MAPKAP1: variants seen among roughly 807,000 people sequenced by gnomAD.
MAPKAP1 encodes the protein MAPK associated protein 1.
A neutral mutation model predicts 65.7 loss-of-function variants in MAPKAP1; 20 were observed. That is an observed-to-expected ratio of 0.30 (90% CI 0.21 to 0.44). The LOEUF is 0.44. Ranked by LOEUF, MAPKAP1 falls within the 20% of genes least tolerant of loss-of-function variation. The pLI is 1.00. For missense variants in MAPKAP1, 423 were observed against 648.0 expected, an observed-to-expected ratio of 0.65 and a Z score of 3.77; for synonymous variants, 222 against 244.3, an observed-to-expected ratio of 0.91 and a Z score of 0.85.
rs1328435653 is a variant in MAPKAP1, at chr9:125,500,864, C to T, written c.1066+5446G>A. Among the ~76,000 whole-genome samples the T allele has an allele frequency of 3.9e-5, 6 of 152,164 alleles. No homozygotes were observed. In the East Asian group the frequency reaches 1.2e-3, roughly 29 times the overall value. On this transcript the variant is annotated intron_variant, in intron 8 of 11. Transcript: ENST00000265960. ...TAAAGTTCCTACCTATGAATTAGTT[C>T]CTCAAGTATGTTTAAGATGACAGAC...
chr9:125,649,893 A>T (rs1833845019), intron 4 of MAPKAP1, among the ~76,000 whole-genome samples: 1 of 152,068 alleles, frequency 6.6e-6, no homozygotes, highest in South Asian at 2.1e-4. Context: ...CTGGGCTGTC[A>T]TTTGATTTCT....
At chr9:125,519,634 T>C (rs1829561661) in intron 7 of MAPKAP1, among the ~76,000 whole-genome samples, 1 of 140,892 alleles carries the variant, frequency 7.1e-6, no homozygotes, top group Admixed American at 7.6e-5. Flanking sequence ...GTCTAATATA[T>C]ATACATATAT....
chr9:125,458,836 G>A (rs1167020414), intron 10 of MAPKAP1, among the ~76,000 whole-genome samples: 145 of 63,338 alleles, frequency 2.3e-3, no homozygotes, highest in African/African-American at 7.3e-3. Flanking sequence ...GCGGCTGGCC[G>A]GGTGGGGGGC....
intron 7 of MAPKAP1, among the ~76,000 whole-genome samples, chr9:125,536,316 G>A (rs1298817042): frequency 6.6e-6 from 1 of 152,226 alleles, no homozygotes; most frequent in African/African-American, 2.4e-5. Flanking sequence ...TAAAGAGGCA[G>A]AGAAAGGAGG....
intron 10 of MAPKAP1, 37 bp downstream of exon 10, chr9:125,467,935 A>G: frequency 6.2e-7 from 1 of 1,607,188 alleles, no homozygotes; most frequent in South Asian, 1.1e-5. Context: ...GAGAGGGGAA[A>G]GAGAGAAAGG....
At chr9:125,665,027 C>T (rs1834300079) in intron 3 of MAPKAP1, among the ~76,000 whole-genome samples, 1 of 152,100 alleles carries the variant, frequency 6.6e-6, no homozygotes, top group African/African-American at 2.4e-5. Flanking sequence ...ATAGGCCAGG[C>T]ACAGTGGCTC....
rs533315782 is a variant in MAPKAP1, at chr9:125,702,333, G to A, written c.-70+4638C>T. 4.1e-3 allele frequency among the ~76,000 whole-genome samples: 627 copies of A among 151,464 alleles called. 6 individuals carry two copies. Among genetic ancestry groups the A allele is most frequent in the African/African-American group, 0.015 (599 of 41,242 alleles). ...GTGGATCACCTGAGGTCGGGAGTTC[G>A]AGACCAGCCTGACCAACATGCAGAA... On this transcript the variant is annotated intron_variant, in intron 1 of 11. Transcript: ENST00000265960.
At chr9:125,663,454 A>C (rs1834247426) in intron 3 of MAPKAP1, among the ~76,000 whole-genome samples, 1 of 152,082 alleles carries the variant, frequency 6.6e-6, no homozygotes, top group African/African-American at 2.4e-5. Context: ...TTCTCTGCCT[A>C]GCATTCCTTA....
chr9:125,553,953 C>T (rs998165569), intron 6 of MAPKAP1, among the ~76,000 whole-genome samples: 1 of 151,786 alleles, frequency 6.6e-6, no homozygotes, highest in African/African-American at 2.4e-5. Context: ...GGGACGATTG[C>T]TCGAGCCTGG....
intron 8 of MAPKAP1, chr9:125,505,979 G>A: frequency 3.1e-6 from 1 of 324,906 alleles, no homozygotes; most frequent in Non-Finnish European, 5.9e-6. Flanking sequence ...TACTGACAGG[G>A]CCAGCTGCTT....
chr9:125,593,477 C>T (rs1298401106), intron 4 of MAPKAP1, among the ~76,000 whole-genome samples: 3 of 151,994 alleles, frequency 2.0e-5, no homozygotes, highest in African/African-American at 4.8e-5. Flanking sequence ...GCCTGGGCAA[C>T]ACAGTGAAAC....
intron 8 of MAPKAP1, among the ~76,000 whole-genome samples, chr9:125,502,123 A>G (rs1828999946): frequency 6.8e-6 from 1 of 147,542 alleles, no homozygotes; most frequent in African/African-American, 2.5e-5. Context: ...TCTGTTTGAG[A>G]CAGAGTCTCA....
intron 4 of MAPKAP1, among the ~76,000 whole-genome samples, chr9:125,652,732 C>A (rs920998119): frequency 5.9e-5 from 9 of 152,104 alleles, no homozygotes; most frequent in Admixed American, 4.6e-4. Context: ...CAATATTGAA[C>A]CATTTTCTCA....
At chr9:125,614,767 A>G (rs1265962802) in intron 4 of MAPKAP1, among the ~76,000 whole-genome samples, 3 of 152,230 alleles carry the variant, frequency 2.0e-5, no homozygotes, top group African/African-American at 7.2e-5. Context: ...GCTAACTAGG[A>G]ACAGAAAGGA....
Position 125,495,723 on chromosome 9 carries a change from T to A in MAPKAP1, c.1066+10587A>T, listed in dbSNP as rs556009107. ...CCACACAGCACAATTCAGACACTCA[T>A]TACTGAAAAGTAGCTGTGGACAAGG... On this transcript the variant is annotated intron_variant, in intron 8 of 11. Coordinates refer to ENST00000265960, the MANE Select transcript of MAPKAP1 (RefSeq NM_001006617.3). 3.9e-5 allele frequency among the ~76,000 whole-genome samples: 6 copies of A among 152,340 alleles called. No homozygotes were observed. In the East Asian group the frequency reaches 7.7e-4, roughly 20 times the overall value.
chr9:125,596,379 G>A, intron 4 of MAPKAP1: 2 of 811,618 alleles, frequency 2.5e-6, no homozygotes, highest in Non-Finnish European at 4.3e-6. Context: ...TGGATATGGT[G>A]GCAGTAGGGA....
intron 8 of MAPKAP1, among the ~76,000 whole-genome samples, chr9:125,505,317 C>A (rs184659097): frequency 6.6e-6 from 1 of 151,978 alleles, no homozygotes; most frequent in Non-Finnish European, 1.5e-5. Context: ...CCCAGCTACT[C>A]GGGAGGCTGA....
intron 9 of MAPKAP1, among the ~76,000 whole-genome samples, chr9:125,480,974 GGAAAAAAAAAAAAAA>G (rs1854293917): frequency 1.0e-5 from 1 of 97,630 alleles, no homozygotes; most frequent in African/African-American, 4.2e-5. Context: ...TCCGTTTCGG[GGAAAAAAAAAAAAAA>G]AAAAAAAAAA....
In MAPKAP1 at chr9:125,438,020, C is replaced by G. The variant is rs12202; in HGVS notation, c.*867G>C. ...AGGAGAAGAGGAATGGGGAATGTGG[C>G]CCCTTCCAAGGCAGCGAAGCAGAGA... On this transcript the variant is annotated 3_prime_UTR_variant, in exon 12 of 12. Transcript: ENST00000265960. 69,373 of 211,766 alleles carry G rather than the reference C, an allele frequency of 0.33. 12,526 individuals are homozygous for G. Among genetic ancestry groups the G allele is most frequent in the Non-Finnish European group, 0.39 (42,151 of 107,426 alleles). The allele number at this position is 211,766 out of a possible 1,614,324, so 13.1% of individuals were successfully genotyped here.
Sources: gnomAD v4.1 joint callset for allele counts (sites outside exome capture counted in the v4.1 genomes callset) on GRCh38, gnomAD v4.1.1 for gene constraint, MANE v1.5 for transcripts, NCBI Gene and HGNC (gene_info 2026-07-23, HGNC 2026-07-21) for gene names.